The following TMPRSS15 variants were observed in gnomAD, a reference collection of about 807,000 sequenced individuals.
TMPRSS15 encodes transmembrane serine protease 15.
Under a neutral mutation model 125.3 loss-of-function variants are expected in TMPRSS15, and 128 were observed. That is an observed-to-expected ratio of 1.02 (90% CI 0.89 to 1.18). The LOEUF is 1.18. Among genes scored for constraint, TMPRSS15 ranks in the 50% most tolerant of loss-of-function variants. TMPRSS15 has a pLI of 0.00. For synonymous variants in TMPRSS15, 446 were observed against 423.2 expected (o/e 1.05, Z -0.66); for missense variants, 1,283 against 1,212.7 (o/e 1.06, Z -0.86).
Position 18,359,772 on chromosome 21 carries a change from T to C in TMPRSS15, c.865A>G (p.Ser289Gly). ...ILDIYEGVGS[S>G]KILRASIWET... ...TTCAACTTACCTCTTAAAATCTTGCTTGATCCTACACCTTCATAAATATCT... is the reference window on the plus strand; with the variant it reads ...TTCAACTTACCTCTTAAAATCTTGCCTGATCCTACACCTTCATAAATATCT... Residue 289 changes from serine to glycine, a missense_variant, in exon 8 of 25, where the codon AGC becomes GGC. By Grantham distance (56) the Ser-to-Gly change is moderately conservative. Transcript: ENST00000284885. The C allele has an allele frequency of 7.0e-7, 1 of 1,424,086 alleles. No individual in the cohort carries two copies. The highest frequency in any genetic ancestry group is 9.9e-7 in the Non-Finnish European group (1 of 1,010,928). The allele number at this position is 1,424,086 out of a possible 1,614,324, so 88.2% of individuals were successfully genotyped here. A position where few individuals can be genotyped will look rare whatever the true frequency, so the allele number is the denominator to read the frequency against.
At chr21:18,321,678 A>AC (rs1260892995) in intron 16 of TMPRSS15, among the ~76,000 whole-genome samples, 3 of 152,044 alleles carry the variant, frequency 2.0e-5, no homozygotes. Flanking sequence ...GCCCATTTAT[A>AC]ATTTTTTCTA....
At chr21:18,297,499 C>T (rs767007094) in intron 19 of TMPRSS15, among the ~76,000 whole-genome samples, 1 of 152,080 alleles carries the variant, frequency 6.6e-6, no homozygotes, top group Non-Finnish European at 1.5e-5. Flanking sequence ...TATGAGTGTG[C>T]CAGAAATTTA....
chr21:18,274,123 T>C (rs1026850979), intron 24 of TMPRSS15, among the ~76,000 whole-genome samples: 1 of 152,216 alleles, frequency 6.6e-6, no homozygotes, highest in Non-Finnish European at 1.5e-5. Context: ...AAAGCATTGA[T>C]ATGTTATTAA....
chr21:18,287,562 G>A (rs573377096), intron 21 of TMPRSS15, among the ~76,000 whole-genome samples: 8 of 152,190 alleles, frequency 5.3e-5, no homozygotes, highest in African/African-American at 1.7e-4. Flanking sequence ...TGAGAGATAC[G>A]ATAGAAACTT....
intron 1 of TMPRSS15, among the ~76,000 whole-genome samples, chr21:18,439,767 T>C (rs1227453071): frequency 1.3e-5 from 2 of 152,140 alleles, no homozygotes; most frequent in African/African-American, 4.8e-5. Flanking sequence ...GGCAGAAAAT[T>C]ACAGCACAAA....
At chr21:18,337,928 T>C (rs149799975) in intron 13 of TMPRSS15, among the ~76,000 whole-genome samples, 3 of 152,326 alleles carry the variant, frequency 2.0e-5, no homozygotes, top group South Asian at 2.1e-4. Flanking sequence ...AAAAATATTG[T>C]CTTGAAGTGA....
rs2075475248 is a variant in TMPRSS15 at position 18,343,720 on chromosome 21, C to A, written c.1278-64G>T. ...ACATTAGAATAAGTCCTTTTCAGAG[C>A]TTTTCTACATTTTTTACTTTCTTTG... is the stretch of plus-strand genomic sequence containing the variant. On this transcript the variant is annotated intron_variant, in intron 11 of 24. Coordinates refer to ENST00000284885, the MANE Select transcript of TMPRSS15 (RefSeq NM_002772.3). 7 of 1,531,652 alleles carry A rather than the reference C, an allele frequency of 4.6e-6. No homozygotes were observed. In the East Asian group the frequency reaches 1.6e-4, roughly 34 times the overall value. 94.9% of individuals were successfully genotyped at this position (1,531,652 alleles called of 1,614,324 possible).
chr21:18,299,794 G>T (rs1315539637), intron 18 of TMPRSS15, among the ~76,000 whole-genome samples: 2 of 152,110 alleles, frequency 1.3e-5, no homozygotes, highest in Non-Finnish European at 2.9e-5. Flanking sequence ...AGGTCCAAAG[G>T]CAAATTCTCC....
chr21:18,398,356 C>T lies in TMPRSS15; in HGVS notation c.146-27G>A, dbSNP rs762896983. On this transcript the variant is annotated intron_variant, in intron 1 of 24. Transcript: ENST00000284885. ...TAGATAAATTAATAAGGAAAAAACA[C>T]TAAGATTTTGGATTATGAGTAGGAG... The T allele has an allele frequency of 1.7e-5, 27 of 1,611,860 alleles. No homozygotes were observed. In the South Asian group the frequency reaches 2.7e-4, roughly 16 times the overall value.
intron 14 of TMPRSS15, 65 bp from the exon 15 acceptor site, chr21:18,329,359 C>CCTG: frequency 6.7e-7 from 1 of 1,502,394 alleles, no homozygotes; most frequent in Non-Finnish European, 9.1e-7. Flanking sequence ...AAGCTTCACT[C>CCTG]TCTTGAGAAT....
At chr21:18,345,749 A>AC (rs2075501310) in intron 10 of TMPRSS15, among the ~76,000 whole-genome samples, 1 of 142,018 alleles carries the variant, frequency 7.0e-6, no homozygotes, top group African/African-American at 2.6e-5. Context: ...TCAAAAAAAA[A>AC]AAAAAAAAAA....
intron 3 of TMPRSS15, among the ~76,000 whole-genome samples, chr21:18,393,335 G>C (rs915412290): frequency 1.8e-4 from 27 of 152,130 alleles, no homozygotes; most frequent in Admixed American, 1.8e-3. Flanking sequence ...GCATGTTCTA[G>C]TACCTAAAGT....
chr21:18,330,579 G>A (rs1183392681), intron 14 of TMPRSS15, among the ~76,000 whole-genome samples: 1 of 152,108 alleles, frequency 6.6e-6, no homozygotes, highest in Non-Finnish European at 1.5e-5. Flanking sequence ...TTTTGTGCCT[G>A]ACAACATATC....
chr21:18,459,355 C>A (rs1011715363), intron 1 of TMPRSS15, among the ~76,000 whole-genome samples: 1 of 151,884 alleles, frequency 6.6e-6, no homozygotes, highest in African/African-American at 2.4e-5. Context: ...CTCATTGCAA[C>A]CTCTGCCTCC....
At chr21:18,364,490 T>C (rs972729358) in intron 7 of TMPRSS15, among the ~76,000 whole-genome samples, 20 of 152,302 alleles carry the variant, frequency 1.3e-4, no homozygotes, top group Non-Finnish European at 2.4e-4. Flanking sequence ...GTACAAATTC[T>C]TTTTATCCTT....
intron 23 of TMPRSS15, among the ~76,000 whole-genome samples, chr21:18,277,436 A>G (rs978716717): frequency 3.3e-5 from 5 of 152,232 alleles, no homozygotes; most frequent in African/African-American, 1.2e-4. Flanking sequence ...AAGTCTGAAA[A>G]GAGAAAATAT....
At chr21:18,400,481 A>G (rs1183378679) in intron 1 of TMPRSS15, among the ~76,000 whole-genome samples, 2 of 152,306 alleles carry the variant, frequency 1.3e-5, no homozygotes, top group Non-Finnish European at 2.9e-5. Flanking sequence ...ACAATGAGGA[A>G]AGGACTTGCT....
At chr21:18,298,780 T>C (rs918298341) in intron 18 of TMPRSS15, among the ~76,000 whole-genome samples, 3 of 152,190 alleles carry the variant, frequency 2.0e-5, no homozygotes, top group African/African-American at 4.8e-5. Context: ...GACCCACCCA[T>C]TGCCTCTTTA....
chr21:18,311,088 A>G (rs542296813), intron 18 of TMPRSS15, among the ~76,000 whole-genome samples: 57 of 152,228 alleles, frequency 3.7e-4, no homozygotes, highest in African/African-American at 1.3e-3. Flanking sequence ...TCATATCAAA[A>G]TGGATTAAAG....
Sources: gnomAD v4.1 joint callset for allele counts (sites outside exome capture counted in the v4.1 genomes callset) on GRCh38, gnomAD v4.1.1 for gene constraint, MANE v1.5 for transcripts, NCBI Gene and HGNC (gene_info 2026-07-23, HGNC 2026-07-21) for gene names.